Variants in DNAJC6 observed in about 807,000 individuals in gnomAD.
DNAJC6 encodes the protein auxilin.
A neutral mutation model predicts 110.0 loss-of-function variants in DNAJC6; 34 were observed. The observed-to-expected ratio is 0.31, with a 90% CI of 0.24 to 0.41. The LOEUF is 0.41. Ranked by LOEUF, DNAJC6 falls within the 10% of genes least tolerant of loss-of-function variation. The probability of loss-of-function intolerance (pLI) is 1.00; values close to 1 mark genes in which losing one functional copy is unlikely to be tolerated. For missense variants in DNAJC6, 1,031 were observed against 1,207.8 expected (o/e 0.85, Z 2.17); for synonymous variants, 406 against 437.2 (o/e 0.93, Z 0.89).
intron 1 of DNAJC6, chr1:65,345,638 T>A: frequency 1.0e-6 from 1 of 982,894 alleles, no homozygotes; most frequent in Non-Finnish European, 1.2e-6. Context: ...TCGAGAATTT[T>A]TGGGAAAAGT....
At chr1:65,299,823 G>GCGGATCACCTGAGGT (rs1644961093) in intron 1 of DNAJC6, among the ~76,000 whole-genome samples, 1 of 152,066 alleles carries the variant, frequency 6.6e-6, no homozygotes, top group South Asian at 2.1e-4. Flanking sequence ...GCCGAGGTAG[G>GCGGATCACCTGAGGT]CGGATCACCT....
chr1:65,306,207 C>T (rs1313817169), upstream of DNAJC6, among the ~76,000 whole-genome samples: 1 of 151,848 alleles, frequency 6.6e-6, no homozygotes, highest in African/African-American at 2.4e-5. Context: ...GCCACCACGC[C>T]TGGTTATTTT....
intron 1 of DNAJC6, among the ~76,000 whole-genome samples, chr1:65,351,812 C>T (rs1037936677): frequency 6.6e-6 from 1 of 152,158 alleles, no homozygotes; most frequent in African/African-American, 2.4e-5. Flanking sequence ...GTTGCCCAGG[C>T]TGGAGTGCAG....
chr1:65,319,675 C>T (rs1001404249), intron 1 of DNAJC6, among the ~76,000 whole-genome samples: 4 of 152,112 alleles, frequency 2.6e-5, no homozygotes, highest in African/African-American at 7.2e-5. Context: ...CAACCCTGAC[C>T]CCAGAAATTC....
At chr1:65,379,706 T>C in intron 5 of DNAJC6, 182 bp downstream of exon 5, 1 of 850,430 alleles carries the variant, frequency 1.2e-6, no homozygotes, top group South Asian at 1.8e-5. Flanking sequence ...ACTTAAAGCT[T>C]GACTACTAGT....
Position 65,392,536 on chromosome 1 carries a change from G to A in DNAJC6, c.1574G>A (p.Gly525Asp). The A allele has an allele frequency of 1.2e-6, 2 of 1,614,034 alleles. No homozygotes were observed. The highest frequency in any genetic ancestry group is 1.7e-6 in the Non-Finnish European group (2 of 1,179,990). ...CTTCTGACACTTTCCAGTCCGCATG[G>A]CAATGCCAATGGTGACAAGCCTCAT... ...DELLTLSSPH[G>D]NANGDKPHGV... The change falls in exon 12 of 19, where the codon GGC becomes GAC. Residue 525 changes from glycine to aspartate, a missense_variant. Physicochemically the swap from Gly to Asp is moderately conservative, Grantham distance 94 (BLOSUM62 -1). Transcript: ENST00000371069.
chr1:65,385,682 C>A (rs1645864885), intron 6 of DNAJC6, 30 bp from the exon 7 acceptor site: 1 of 1,531,186 alleles, frequency 6.5e-7, no homozygotes, highest in Non-Finnish European at 8.9e-7. Context: ...ATGTGATGGG[C>A]CCCAAGAGAG....
Position 65,358,200 on chromosome 1 carries a change from AC to A in DNAJC6, c.194-6434del, listed in dbSNP as rs371841664. 3.4e-3 allele frequency among the ~76,000 whole-genome samples: 478 copies of A among 140,138 alleles called. 3 individuals are homozygous for A. The highest frequency in any genetic ancestry group is 7.2e-3 in the Middle Eastern group (2 of 276). The allele number at this position is 140,138 out of a possible 152,430, so 91.9% of individuals were successfully genotyped here. On this transcript the variant is annotated intron_variant, in intron 1 of 18. Coordinates refer to ENST00000371069, the MANE Select transcript of DNAJC6 (RefSeq NM_001256864.2). ...TCTCAAAAAAAAAAAAAAAAAAAAA[AC>A]AAAACCTAATGAATGTAACTTGCAG... is the stretch of plus-strand genomic sequence containing the variant.
chr1:65,301,211 A>C (rs543662471), intron 1 of DNAJC6, among the ~76,000 whole-genome samples: 2 of 152,202 alleles, frequency 1.3e-5, no homozygotes, highest in Non-Finnish European at 2.9e-5. Flanking sequence ...TTGCTCTTGA[A>C]ATGGTAATGT....
chr1:65,380,921 G>GTTTTTTTTTT (rs1162044500), intron 5 of DNAJC6, among the ~76,000 whole-genome samples: 44 of 99,312 alleles, frequency 4.4e-4, no homozygotes, highest in South Asian at 6.8e-4. Flanking sequence ...GTTTTGTTTT[G>GTTTTTTTTTT]TTTTTTTTTT....
At position 65,389,528 on chromosome 1, in the gene DNAJC6, T is replaced by C. The variant is rs757982796; in HGVS notation, c.1388-19T>C. The C allele has an allele frequency of 3.7e-6, 6 of 1,613,972 alleles. No homozygotes were observed. The highest frequency in any genetic ancestry group is 1.1e-5 in the South Asian group (1 of 91,080). ...TTTCCTGTGTCTCATTGATGCTACA[T>C]GGTCTTTTTGTCTTGCAGGACAGGC... On this transcript the variant is annotated intron_variant, in intron 10 of 18. Transcript: ENST00000371069.
intron 1 of DNAJC6, among the ~76,000 whole-genome samples, chr1:65,350,964 A>G (rs1645485506): frequency 6.6e-6 from 1 of 152,176 alleles, no homozygotes; most frequent in African/African-American, 2.4e-5. Context: ...GACCTCAGCT[A>G]AGGACTCAGG....
At chr1:65,280,083 G>A (rs1288746136) in intron 1 of DNAJC6, among the ~76,000 whole-genome samples, 2 of 152,142 alleles carry the variant, frequency 1.3e-5, no homozygotes, top group Non-Finnish European at 2.9e-5. Context: ...TGCGAGATTA[G>A]AAATAATATA....
At position 65,313,330 on chromosome 1, in the gene DNAJC6, G is replaced by A. The variant is rs569708406; in HGVS notation, c.193+3392G>A. 7.9e-5 allele frequency among the ~76,000 whole-genome samples: 12 copies of A among 151,906 alleles called. No homozygotes were observed. In the South Asian group the frequency reaches 1.7e-3, roughly 21 times the overall value. On this transcript the variant is annotated intron_variant, in intron 1 of 18. Coordinates refer to ENST00000371069, the MANE Select transcript of DNAJC6 (RefSeq NM_001256864.2). Reference sequence around the variant, plus strand: ...ACCACCTCGGCCTCCCTCCCAAAGTGCTCGGATTACAGACATGAACCACCA... The same window carrying A: ...ACCACCTCGGCCTCCCTCCCAAAGTACTCGGATTACAGACATGAACCACCA...
At chr1:65,337,365 C>T (rs1021205826) in intron 1 of DNAJC6, among the ~76,000 whole-genome samples, 2 of 150,456 alleles carry the variant, frequency 1.3e-5, no homozygotes, top group Non-Finnish European at 3.0e-5. Flanking sequence ...ATTTGGTTAT[C>T]CTGGAGTAAA....
At chr1:65,345,601 G>C in intron 1 of DNAJC6, 5 of 958,610 alleles carry the variant, frequency 5.2e-6, no homozygotes, top group Non-Finnish European at 6.2e-6. Context: ...CTCTTTTCCT[G>C]GTTCTCCAGG....
intron 9 of DNAJC6, 23 bp from the exon 10 acceptor site, chr1:65,389,233 A>G: frequency 6.2e-7 from 1 of 1,602,460 alleles, no homozygotes; most frequent in Non-Finnish European, 8.5e-7. Flanking sequence ...CACTGAATTT[A>G]TCTTTTTTAA....
chr1:65,383,536 G>A (rs1570355615), intron 5 of DNAJC6, among the ~76,000 whole-genome samples: 1 of 152,170 alleles, frequency 6.6e-6, no homozygotes, highest in East Asian at 1.9e-4. Flanking sequence ...TTTCACATTG[G>A]CCAAGGGCAG....
chr1:65,395,408 T>C (rs558861302), intron 13 of DNAJC6, among the ~76,000 whole-genome samples: 1 of 152,326 alleles, frequency 6.6e-6, no homozygotes, highest in East Asian at 1.9e-4. Flanking sequence ...GAGAAATCTT[T>C]GAAATGTGGG....
Sources: gnomAD v4.1 joint callset for allele counts (sites outside exome capture counted in the v4.1 genomes callset) on GRCh38, gnomAD v4.1.1 for gene constraint, MANE v1.5 for transcripts, NCBI Gene and HGNC (gene_info 2026-07-23, HGNC 2026-07-21) for gene names.